VPS13B: variants seen among roughly 807,000 people sequenced by gnomAD.
VPS13B encodes intermembrane lipid transfer protein VPS13B.
Under a neutral mutation model 426.4 loss-of-function variants are expected in VPS13B, and 285 were observed. The ratio of observed to expected loss-of-function variants is 0.67; its 90% CI spans 0.61 to 0.74. The LOEUF is 0.74. Among genes scored for constraint, VPS13B ranks in the 30% least tolerant of loss-of-function variants. The pLI is 0.00. For synonymous variants in VPS13B, 1,676 were observed against 1,676.4 expected (o/e 1.00, Z 0.01); for missense variants, 4,537 against 4,782.6 (o/e 0.95, Z 1.51).
intron 12 of VPS13B, among the ~76,000 whole-genome samples, chr8:99,137,711 A>C (rs571571574): frequency 9.9e-5 from 15 of 152,236 alleles, no homozygotes; most frequent in African/African-American, 3.6e-4. Flanking sequence ...TCTTTCCCTA[A>C]ACTTTCTCCC....
intron 20 of VPS13B, among the ~76,000 whole-genome samples, chr8:99,387,309 G>C (rs937683440): frequency 6.6e-6 from 1 of 151,714 alleles, no homozygotes; most frequent in Non-Finnish European, 1.5e-5. Context: ...CCTTAACTTC[G>C]TGGGCTCAAG....
At chr8:99,044,501 A>G (rs965864321) in intron 3 of VPS13B, among the ~76,000 whole-genome samples, 4 of 151,604 alleles carry the variant, frequency 2.6e-5, no homozygotes, top group African/African-American at 9.7e-5. Context: ...TATCTTTTAA[A>G]TTTTTTTATT....
At chr8:99,767,090 G>A (rs1371574672) in intron 40 of VPS13B, 120 bp downstream of exon 40, 1 of 982,244 alleles carries the variant, frequency 1.0e-6, no homozygotes, top group Non-Finnish European at 1.6e-6. Flanking sequence ...GCATCTCTCT[G>A]AACAACAGAT....
intron 17 of VPS13B, among the ~76,000 whole-genome samples, chr8:99,216,211 A>C (rs918399289): frequency 5.9e-5 from 9 of 152,186 alleles, no homozygotes; most frequent in African/African-American, 2.2e-4. Flanking sequence ...TGCTTAAGCC[A>C]CATCGATCTC....
chr8:99,718,947 G>A (rs953716115), intron 37 of VPS13B, among the ~76,000 whole-genome samples: 10 of 151,952 alleles, frequency 6.6e-5, no homozygotes, highest in Non-Finnish European at 1.2e-4. Flanking sequence ...ATAGCACCCG[G>A]CCAATTTTTT....
At chr8:99,573,865 C>T (rs1825619350) in intron 31 of VPS13B, among the ~76,000 whole-genome samples, 1 of 152,114 alleles carries the variant, frequency 6.6e-6, no homozygotes, top group Admixed American at 6.5e-5. Context: ...ATGGGGATGG[C>T]ATTGAATCTA....
At chr8:99,800,920 A>G (rs1455324553) in intron 43 of VPS13B, among the ~76,000 whole-genome samples, 1 of 152,182 alleles carries the variant, frequency 6.6e-6, no homozygotes, top group African/African-American at 2.4e-5. Flanking sequence ...GAAATTTGAT[A>G]CCCTGACTTA....
At chr8:99,416,280 A>C (rs1195059846) in intron 21 of VPS13B, among the ~76,000 whole-genome samples, 1 of 152,150 alleles carries the variant, frequency 6.6e-6, no homozygotes, top group African/African-American at 2.4e-5. Context: ...ACCAAGCTCC[A>C]GAGTTCCAGC....
At chr8:99,237,830 A>G (rs564543612) in intron 17 of VPS13B, among the ~76,000 whole-genome samples, 2 of 151,954 alleles carry the variant, frequency 1.3e-5, no homozygotes, top group South Asian at 4.2e-4. Context: ...CAAAAAAAAG[A>G]AAGTGTTTGT....
At chr8:99,539,422 CAG>C (rs1449452994) in intron 30 of VPS13B, among the ~76,000 whole-genome samples, 1 of 152,002 alleles carries the variant, frequency 6.6e-6, no homozygotes, top group Non-Finnish European at 1.5e-5. Flanking sequence ...GAATTGCAGA[CAG>C]AGTATTTGGA....
chr8:99,096,362 G>C lies in VPS13B; in HGVS notation c.342G>C (p.Glu114Asp), dbSNP rs1846417965. The C allele has an allele frequency of 1.2e-6, 2 of 1,614,044 alleles. No individual in the cohort carries two copies. The highest frequency in any genetic ancestry group is 1.1e-5 in the South Asian group (1 of 91,080). Reference sequence around the variant, plus strand: ...ATTCTACCAACCGTAGTACTGCTGAGAGCACAAAATCATCAATCAAACCGC... The same window carrying C: ...ATTCTACCAACCGTAGTACTGCTGACAGCACAAAATCATCAATCAAACCGC... ...GSNSTNRSTA[E>D]STKSSIKPRR... Residue 114 changes from glutamate to aspartate, a missense_variant, in exon 4 of 62, where the codon GAG (glutamate) becomes GAC (aspartate). Glu to Asp is a conservative substitution (Grantham distance 45). Transcript: ENST00000357162.
At chr8:99,681,299 G>A (rs894618749) in intron 35 of VPS13B, among the ~76,000 whole-genome samples, 12 of 152,046 alleles carry the variant, frequency 7.9e-5, no homozygotes, top group Non-Finnish European at 1.8e-4. Context: ...CTGCTTTTTT[G>A]GTTCTTGGCC....
chr8:99,334,613 A>G (rs1810720826), intron 19 of VPS13B, among the ~76,000 whole-genome samples: 1 of 152,102 alleles, frequency 6.6e-6, no homozygotes, highest in Admixed American at 6.6e-5. Flanking sequence ...TGAGATAATC[A>G]TGTGGTTTTT....
chr8:99,210,511 A>G (rs1194276551), intron 17 of VPS13B, among the ~76,000 whole-genome samples: 1 of 152,132 alleles, frequency 6.6e-6, no homozygotes, highest in African/African-American at 2.4e-5. Context: ...ATTTGGTGCC[A>G]TTGTGTTAGA....
chr8:99,025,778 A>G (rs1056098664), intron 2 of VPS13B, among the ~76,000 whole-genome samples: 3 of 152,018 alleles, frequency 2.0e-5, no homozygotes, highest in Admixed American at 1.3e-4. Flanking sequence ...TCTTGGTTCA[A>G]TTTTGGTAGA....
At chr8:99,106,959 G>C (rs7818037) in intron 5 of VPS13B, among the ~76,000 whole-genome samples, 111,696 of 151,974 alleles carry the variant, frequency 0.73, 41,771 homozygotes, top group South Asian at 0.87. Context: ...TCCAGTTTTG[G>C]CTATAATGAA....
At chr8:99,828,805 A>G (rs762093044) in intron 51 of VPS13B, among the ~76,000 whole-genome samples, 5 of 152,032 alleles carry the variant, frequency 3.3e-5, no homozygotes, top group Non-Finnish European at 5.9e-5. Flanking sequence ...TGGTGACAAA[A>G]TCCCTCAGCA....
chr8:99,467,348 A>G (rs1776795484), intron 23 of VPS13B, 66 bp from the exon 24 acceptor site: 11 of 1,455,220 alleles, frequency 7.6e-6, no homozygotes, highest in African/African-American at 1.4e-5. Context: ...ACATTTTACT[A>G]TCAAGTGAAA....
intron 3 of VPS13B, among the ~76,000 whole-genome samples, chr8:99,088,183 C>CAAA (rs1326004820): frequency 1.5e-5 from 1 of 64,834 alleles, no homozygotes; most frequent in Non-Finnish European, 3.0e-5. Context: ...GACCCTGTCT[C>CAAA]AAAAAAAAAA....
Sources: allele counts gnomAD v4.1 joint callset (sites outside exome capture counted in the v4.1 genomes callset), GRCh38; gene constraint gnomAD v4.1.1; transcripts MANE v1.5; gene names NCBI Gene and HGNC (gene_info 2026-07-23, HGNC 2026-07-21).